Variants in NCOR2 observed in about 807,000 individuals in gnomAD.
NCOR2 encodes the protein CTG repeat protein 26.
A neutral mutation model predicts 262.9 loss-of-function variants in NCOR2; 81 were observed. The ratio of observed to expected loss-of-function variants is 0.31; its 90% CI spans 0.26 to 0.37. NCOR2 has a LOEUF of 0.37. Among genes scored for constraint, NCOR2 ranks in the 10% least tolerant of loss-of-function variants. The pLI, the probability that NCOR2 is intolerant of heterozygous loss-of-function variation, is 1.00. For missense variants in NCOR2, 3,385 were observed against 3,621.4 expected, an observed-to-expected ratio of 0.93 and a Z score of 1.68; for synonymous variants, 1,659 against 1,559.3, an observed-to-expected ratio of 1.06 and a Z score of -1.51.
chr12:124,345,130 T>G (rs917549573), intron 31 of NCOR2, among the ~76,000 whole-genome samples, 179 bp from the exon 34 acceptor site: 1 of 152,150 alleles, frequency 6.6e-6, no homozygotes, highest in East Asian at 1.9e-4. Flanking sequence ...TGTTACTTAC[T>G]GCCCTGCGCA....
At chr12:124,493,832 A>T (rs1244132169) in intron 1 of NCOR2, among the ~76,000 whole-genome samples, 1 of 152,178 alleles carries the variant, frequency 6.6e-6, no homozygotes, top group African/African-American at 2.4e-5. Flanking sequence ...GGGACACAGA[A>T]GCTTGGAGCC....
At chr12:124,561,053 C>T (rs2052053486) in intron 1 of NCOR2, among the ~76,000 whole-genome samples, 2 of 152,164 alleles carry the variant, frequency 1.3e-5, no homozygotes, top group South Asian at 2.1e-4. Flanking sequence ...CAGACAGATA[C>T]CAGCAAGGGT....
In NCOR2 at chr12:124,432,909, C is replaced by T. The variant is rs1470573964; in HGVS notation, c.883-2122G>A. Among the ~76,000 whole-genome samples, 3 of 152,288 alleles carry T rather than the reference C, an allele frequency of 2.0e-5. No homozygotes were observed. The highest frequency in any genetic ancestry group is 4.1e-4 in the South Asian group (2 of 4,822). On this transcript the variant is annotated intron_variant, in intron 8 of 46. Coordinates refer to ENST00000405201, the Ensembl canonical transcript of NCOR2. This position sits in a 1 kb window ranked among gnomAD's most constrained non-coding sequence, Gnocchi z 5.1. ...AAGGGGACGCAGGGCGAGCCACCCA[C>T]ACAACCCCAGTTACTCCACCTCTAA... is the stretch of plus-strand genomic sequence containing the variant.
In NCOR2 at chr12:124,362,116, G is replaced by C; in HGVS notation, c.3100+10C>G. The C allele has an allele frequency of 1.5e-6, 2 of 1,294,642 alleles. No individual in the cohort carries two copies. Among genetic ancestry groups the C allele is most frequent in the East Asian group, 2.8e-5 (1 of 35,558 alleles). 80.2% of individuals were successfully genotyped at this position (1,294,642 alleles called of 1,614,324 possible). A position where few individuals can be genotyped will look rare whatever the true frequency, so the allele number is the denominator to read the frequency against. On this transcript the variant is annotated intron_variant, in intron 22 of 46. Transcript: ENST00000405201. ...GCCCCAGCCCCACTCAGCCACTGGT[G>C]TGCACTCACCCTCCTTGTCGGCGGG... is the stretch of plus-strand genomic sequence containing the variant.
chr12:124,363,175 C>T (rs2038752657), intron 21 of NCOR2, among the ~76,000 whole-genome samples: 1 of 152,248 alleles, frequency 6.6e-6, no homozygotes, highest in Non-Finnish European at 1.5e-5. Flanking sequence ...CCCAAGGGAC[C>T]ACCAGCCTGG....
chr12:124,470,782 G>C (rs560593938), intron 4 of NCOR2, among the ~76,000 whole-genome samples: 4 of 152,372 alleles, frequency 2.6e-5, no homozygotes, highest in African/African-American at 9.6e-5. Context: ...ACTGAATTGT[G>C]CACTTTAAAA....
intron 16 of NCOR2, among the ~76,000 whole-genome samples, chr12:124,394,950 A>G (rs2041552240): frequency 6.6e-6 from 1 of 152,066 alleles, no homozygotes; most frequent in Admixed American, 6.5e-5. Flanking sequence ...GGGGGTTGAG[A>G]CCTGGTTTCT....
At chr12:124,361,026 C>T in intron 22 of NCOR2, among the ~76,000 whole-genome samples, 1 of 151,732 alleles carries the variant, frequency 6.6e-6, no homozygotes, top group East Asian at 1.9e-4. Flanking sequence ...AATGTCCTGA[C>T]CCAGCAGCCT....
chr12:124,471,648 A>G (rs2046839941), intron 4 of NCOR2, among the ~76,000 whole-genome samples: 1 of 152,224 alleles, frequency 6.6e-6, no homozygotes, highest in Non-Finnish European at 1.5e-5. Flanking sequence ...TGGCTCATGC[A>G]GCCTAAACCT....
At position 124,472,949 on chromosome 12, in the gene NCOR2, C is replaced by T. The variant is rs867735717; in HGVS notation, c.591+3G>A. On this transcript the variant is annotated splice_donor_region_variant and intron_variant, in intron 4 of 46. Transcript: ENST00000405201. Reference sequence around the variant, plus strand: ...CACTCCCCCTCCCCCTGCCCATTCACACCTGCTTCTTCTTCAGCTTAGAGA... The same window carrying T: ...CACTCCCCCTCCCCCTGCCCATTCATACCTGCTTCTTCTTCAGCTTAGAGA... 1.1e-5 allele frequency: 18 copies of T among 1,614,152 alleles called. No homozygotes were observed. The highest frequency in any genetic ancestry group is 1.6e-4 in the Middle Eastern group (1 of 6,062).
chr12:124,520,461 T>C (rs1041814052), intron 1 of NCOR2, among the ~76,000 whole-genome samples: 8 of 152,132 alleles, frequency 5.3e-5, no homozygotes, highest in Non-Finnish European at 1.0e-4. Flanking sequence ...ATCCAGACCT[T>C]CGCCAAAGGC....
Position 124,378,809 on chromosome 12 carries a change from A to G in NCOR2, c.2020-425T>C, listed in dbSNP as rs918048425. Reference sequence around the variant, plus strand: ...TCACCTGTCCCTGGGGGAACAGGCCAGCCTGGGAAGCTCGCGTTTCATTCC... The same window carrying G: ...TCACCTGTCCCTGGGGGAACAGGCCGGCCTGGGAAGCTCGCGTTTCATTCC... On this transcript the variant is annotated intron_variant, in intron 17 of 46. Coordinates refer to ENST00000405201, the Ensembl canonical transcript of NCOR2. The surrounding 1 kb of genome is among the most constrained non-coding windows in gnomAD (Gnocchi z 4.2). Among the ~76,000 whole-genome samples, 10 of 152,234 alleles carry G rather than the reference A, an allele frequency of 6.6e-5. No homozygotes were observed. Among genetic ancestry groups the G allele is most frequent in the African/African-American group, 2.4e-4 (10 of 41,462 alleles).
At chr12:124,462,632 G>A (rs2046228098) in intron 5 of NCOR2, among the ~76,000 whole-genome samples, 1 of 152,208 alleles carries the variant, frequency 6.6e-6, no homozygotes, top group South Asian at 2.1e-4. Context: ...AGAGGTGGGG[G>A]CCTGGCCCAG....
chr12:124,529,179 C>CA (rs148397454), intron 1 of NCOR2, among the ~76,000 whole-genome samples: 9,618 of 52,082 alleles, frequency 0.18, 1,122 homozygotes, highest in African/African-American at 0.27. Flanking sequence ...AACTCCGACT[C>CA]AAAAAAAAAA....
At chr12:124,365,984 C>T (rs2039004498) in intron 20 of NCOR2, among the ~76,000 whole-genome samples, 1 of 152,186 alleles carries the variant, frequency 6.6e-6, no homozygotes, top group African/African-American at 2.4e-5. Flanking sequence ...TCCGTTTCAA[C>T]CAGCTCGCAC....
At chr12:124,507,792 G>A (rs755915067) in intron 1 of NCOR2, among the ~76,000 whole-genome samples, 11 of 152,206 alleles carry the variant, frequency 7.2e-5, no homozygotes, top group Non-Finnish European at 1.3e-4. Flanking sequence ...TGTCCCACCC[G>A]CTCATGTCCA....
chr12:124,388,882 G>T, intron 16 of NCOR2: 1 of 571,998 alleles, frequency 1.7e-6, no homozygotes, highest in Non-Finnish European at 2.6e-6. Flanking sequence ...GGGAGGGAGG[G>T]AGGGAGGGAG....
At chr12:124,340,349 TTCCCGCTCCCGA>T (rs1444856143) in exon 36 of NCOR2, 1 of 1,612,972 alleles carries the variant, frequency 6.2e-7, no homozygotes, top group Non-Finnish European at 8.5e-7. Context: ...GGATGGACTT[TTCCCGCTCCCGA>T]TCCCGGTCCC....
At chr12:124,486,775 C>T (rs2047787756) in intron 1 of NCOR2, among the ~76,000 whole-genome samples, 1 of 152,202 alleles carries the variant, frequency 6.6e-6, no homozygotes, top group African/African-American at 2.4e-5. Flanking sequence ...AAGAACACAG[C>T]TGAACGGCCC....
Sources: allele counts gnomAD v4.1 joint callset (sites outside exome capture counted in the v4.1 genomes callset), GRCh38; gene constraint gnomAD v4.1.1; non-coding constraint Gnocchi (gnomAD v3.1); transcripts MANE v1.5; gene names NCBI Gene and HGNC (gene_info 2026-07-23, HGNC 2026-07-21).